The following NHERF4 variants were observed in gnomAD, a reference collection of about 807,000 sequenced individuals.
The protein encoded by NHERF4 is NHERF family PDZ scaffold protein 4, also known as Na(+)/H(+) exchange regulatory cofactor NHE-RF4.
the NHERF4 span, chr11:119,186,382 A>T: frequency 6.4e-7 from 1 of 1,561,652 alleles, no homozygotes; most frequent in Non-Finnish European, 8.8e-7. This position sits in a 1 kb window ranked among gnomAD's most constrained non-coding sequence, Gnocchi z 4.4. Context: ...ACTGCCCAGC[A>T]CCCTATCAGG....
At chr11:119,189,593 G>C in the NHERF4 span, 1 of 1,331,958 alleles carries the variant, frequency 7.5e-7, no homozygotes, top group East Asian at 2.3e-5. This position sits in a 1 kb window ranked among gnomAD's most constrained non-coding sequence, Gnocchi z 5.8. Context: ...CAGACCAGAG[G>C]GACTCAGACA....
At chr11:119,187,157 A>G in the NHERF4 span, 1 of 862,208 alleles carries the variant, frequency 1.2e-6, no homozygotes, top group Non-Finnish European at 1.7e-6. Flanking sequence ...AAAAAAAAAA[A>G]AGAAAAAGAA....
At chr11:119,187,879 G>A in the NHERF4 span, 3 of 1,477,916 alleles carry the variant, frequency 2.0e-6, no homozygotes, top group Admixed American at 2.5e-5. Flanking sequence ...GGCTGTGGGG[G>A]GAGCATACCT....
chr11:119,185,660 A>G, the NHERF4 span: 1 of 797,264 alleles, frequency 1.3e-6, no homozygotes, highest in Non-Finnish European at 2.1e-6. Context: ...TAATGAGTTG[A>G]TATGTCTGTC....
chr11:119,186,005 G>A, the NHERF4 span: 3 of 1,613,978 alleles, frequency 1.9e-6, no homozygotes, highest in South Asian at 1.1e-5. This position sits in a 1 kb window ranked among gnomAD's most constrained non-coding sequence, Gnocchi z 4.4. Context: ...AGGCAGCGAA[G>A]CGCTTCACTG....
the NHERF4 span, chr11:119,189,826 C>G: frequency 1.8e-4 from 72 of 400,186 alleles, no homozygotes; most frequent in Middle Eastern, 1.4e-3. This position sits in a 1 kb window ranked among gnomAD's most constrained non-coding sequence, Gnocchi z 5.8. Flanking sequence ...ACTCCAGGAC[C>G]CTTGAGTGTA....
the NHERF4 span, chr11:119,187,583 G>A: frequency 1.9e-6 from 3 of 1,590,388 alleles, no homozygotes; most frequent in South Asian, 3.4e-5. Context: ...GTCCTTTCTG[G>A]TTGGTGCTAA....
At chr11:119,188,523 A>ACC in the NHERF4 span, 7 of 1,600,218 alleles carry the variant, frequency 4.4e-6, no homozygotes, top group Non-Finnish European at 6.0e-6. Context: ...ACTGTCGTCG[A>ACC]CCCTGAGGCG....
chr11:119,186,621 G>C, the NHERF4 span: 3 of 1,613,666 alleles, frequency 1.9e-6, no homozygotes, highest in Non-Finnish European at 2.5e-6. The surrounding 1 kb of genome is among the most constrained non-coding windows in gnomAD (Gnocchi z 4.4). Flanking sequence ...CCCAGCGCCA[G>C]GGTCTTCAGG....
chr11:119,187,615 G>T, the NHERF4 span: 1 of 1,581,038 alleles, frequency 6.3e-7, no homozygotes, highest in Non-Finnish European at 8.6e-7. Flanking sequence ...GCAGCTGAGC[G>T]GGCAGGGGTG....
At chr11:119,186,089 C>T in the NHERF4 span, 1 of 1,610,852 alleles carries the variant, frequency 6.2e-7, no homozygotes, top group Non-Finnish European at 8.5e-7. The surrounding 1 kb of genome is among the most constrained non-coding windows in gnomAD (Gnocchi z 4.4). Flanking sequence ...TGCCTCCTTG[C>T]AGGAAGTTTA....
At chr11:119,188,630 C>T in the NHERF4 span, 1 of 1,613,898 alleles carries the variant, frequency 6.2e-7, no homozygotes. Context: ...CTCTCCCTGC[C>T]ACCTTCCAGG....
At chr11:119,188,304 A>C in the NHERF4 span, 2 of 1,607,722 alleles carry the variant, frequency 1.2e-6, no homozygotes, top group Non-Finnish European at 8.5e-7. Context: ...TGGTGTGTAC[A>C]CAGTGGCCTA....
the NHERF4 span, chr11:119,187,403 C>T: frequency 6.2e-7 from 1 of 1,614,078 alleles, no homozygotes; most frequent in Non-Finnish European, 8.5e-7. Context: ...GGGGTCCGGC[C>T]CCGGCTGTGC....
At chr11:119,188,140 C>T in the NHERF4 span, 1 of 1,539,408 alleles carries the variant, frequency 6.5e-7, no homozygotes, top group Non-Finnish European at 8.8e-7. Context: ...TTGACGGTCG[C>T]CCTGGTGAGT....
chr11:119,187,151 A>G, the NHERF4 span: 1 of 861,022 alleles, frequency 1.2e-6, no homozygotes, highest in Non-Finnish European at 1.7e-6. Flanking sequence ...AAAAAAAAAA[A>G]AAAAAAAGAA....
the NHERF4 span, chr11:119,185,723 G>C: frequency 3.7e-6 from 3 of 803,966 alleles, no homozygotes; most frequent in African/African-American, 1.7e-5. Context: ...CCAAGGACTT[G>C]GGGGGAGAGA....
At chr11:119,187,281 C>T in the NHERF4 span, 2 of 1,602,682 alleles carry the variant, frequency 1.2e-6, no homozygotes, top group Non-Finnish European at 1.7e-6. Flanking sequence ...TGGTACGCCG[C>T]ATCCGGGCCA....
At chr11:119,189,295 G>A in the NHERF4 span, 5 of 1,500,168 alleles carry the variant, frequency 3.3e-6, no homozygotes, top group Non-Finnish European at 3.7e-6. This position sits in a 1 kb window ranked among gnomAD's most constrained non-coding sequence, Gnocchi z 5.8. Context: ...GGTACAAGGT[G>A]AAGCCGTGTG....
Sources: allele counts gnomAD v4.1 joint callset, GRCh38; gene constraint gnomAD v4.1.1; non-coding constraint Gnocchi (gnomAD v3.1); transcripts MANE v1.5; gene names NCBI Gene and HGNC (gene_info 2026-07-23, HGNC 2026-07-21).